The following TMEM164 variants were observed in gnomAD, a reference collection of about 807,000 sequenced individuals.
The protein encoded by TMEM164 is RP13-360B22.2.
In TMEM164, 4 loss-of-function variants were observed where a neutral mutation model predicts 18.8. The ratio of observed to expected loss-of-function variants is 0.21; its 90% CI spans 0.10 to 0.49. TMEM164 has a LOEUF of 0.49. TMEM164 is among the 20% of genes least tolerant of loss of function. TMEM164 has a pLI of 0.98. For missense variants in TMEM164, 108 were observed against 239.9 expected (o/e 0.45, Z 3.63); for synonymous variants, 86 against 101.7 (o/e 0.85, Z 0.93).
intron 5 of TMEM164, among the ~76,000 whole-genome samples, chrX:110,153,199 C>T (rs991836897): frequency 8.9e-6 from 1 of 111,935 alleles, no homozygotes; most frequent in Non-Finnish European, 1.9e-5. Flanking sequence ...CCCCAGCTCC[C>T]GCCAGCTGCC....
At chrX:110,083,464 A>G (rs946601647) in intron 3 of TMEM164, among the ~76,000 whole-genome samples, 2 of 111,312 alleles carry the variant, frequency 1.8e-5, no homozygotes, top group African/African-American at 6.5e-5. Flanking sequence ...AACAGCTGGT[A>G]AACCAGATTT....
intron 2 of TMEM164, among the ~76,000 whole-genome samples, chrX:110,037,882 C>T (rs1037224330): frequency 8.2e-4 from 92 of 112,246 alleles, no homozygotes; most frequent in African/African-American, 2.6e-3. Context: ...GCCCTCACTC[C>T]GTCCTTTATT....
intron 2 of TMEM164, among the ~76,000 whole-genome samples, chrX:110,021,140 A>C (rs774287681): frequency 3.0e-4 from 33 of 111,695 alleles, no homozygotes; most frequent in Admixed American, 5.7e-4. Context: ...GTATTATTTG[A>C]ATTTGGTTTA....
intron 4 of TMEM164, among the ~76,000 whole-genome samples, chrX:110,139,291 A>G (rs1188691122): frequency 1.8e-5 from 2 of 111,921 alleles, no homozygotes; most frequent in African/African-American, 6.5e-5. Context: ...TGCTTCCTGC[A>G]TAGTAGCAGA....
intron 5 of TMEM164, among the ~76,000 whole-genome samples, chrX:110,147,257 A>G (rs908817967): frequency 1.8e-5 from 2 of 109,379 alleles, no homozygotes; most frequent in Admixed American, 9.7e-5. Context: ...CTGGAACTCT[A>G]TTTCTTTTTT....
chrX:110,160,216 G>A (rs1458006115), intron 5 of TMEM164, among the ~76,000 whole-genome samples: 1 of 112,032 alleles, frequency 8.9e-6, no homozygotes, highest in Non-Finnish European at 1.9e-5. Flanking sequence ...CACTTGAATG[G>A]GGGGAAGTCA....
chrX:110,042,211 C>T (rs770477622), intron 2 of TMEM164, among the ~76,000 whole-genome samples: 2 of 109,431 alleles, frequency 1.8e-5, no homozygotes, highest in South Asian at 8.1e-4. Context: ...TTCCCCAGGC[C>T]CTGGTAACCA....
chrX:110,131,808 T>C (rs2066615575), intron 4 of TMEM164, among the ~76,000 whole-genome samples: 1 of 112,284 alleles, frequency 8.9e-6, no homozygotes, highest in African/African-American at 3.2e-5. Flanking sequence ...TTCGAAGTCC[T>C]GAAACACCAT....
chrX:110,056,889 T>A (rs1217073842), intron 2 of TMEM164, among the ~76,000 whole-genome samples: 7 of 110,937 alleles, frequency 6.3e-5, no homozygotes, highest in African/African-American at 2.3e-4. Flanking sequence ...TTGAGTTTTT[T>A]TAATACTTTA....
intron 4 of TMEM164, among the ~76,000 whole-genome samples, chrX:110,123,310 T>C: frequency 8.9e-6 from 1 of 112,692 alleles, no homozygotes. Flanking sequence ...ACTGTCTTGA[T>C]TGCTGTAGCT....
intron 5 of TMEM164, among the ~76,000 whole-genome samples, chrX:110,159,356 G>A (rs79288932): frequency 0.012 from 1,383 of 110,954 alleles, 9 homozygotes; most frequent in Non-Finnish European, 0.019. Flanking sequence ...CACAGGTCAC[G>A]AGGAGGTCTA....
At chrX:110,035,163 A>G (rs189667706) in intron 2 of TMEM164, among the ~76,000 whole-genome samples, 16 of 108,569 alleles carry the variant, frequency 1.5e-4, no homozygotes, top group Admixed American at 4.9e-4. Flanking sequence ...TGGCACATGT[A>G]TACATATGTA....
intron 3 of TMEM164, among the ~76,000 whole-genome samples, chrX:110,100,608 G>A (rs2066095011): frequency 9.0e-6 from 1 of 111,460 alleles, no homozygotes; most frequent in African/African-American, 3.3e-5. Context: ...GTCTCGCTCT[G>A]TTGCCCAGGC....
rs1442909963 is a variant in TMEM164 at position 110,174,842 on chromosome X, A to AT, written c.*1395dup. The AT allele has an allele frequency of 8.9e-6, 1 of 111,750 alleles. No homozygotes were observed. The highest frequency in any genetic ancestry group is 1.9e-5 in the Non-Finnish European group (1 of 53,038). 9.2% of individuals were successfully genotyped at this position (111,750 alleles called of 1,213,427 possible). ...TAAGAACAGAAAAGCTCATTTGGTG[A>AT]TTTTGTCTGATGAGCCTCCCTTCCC... On this transcript the variant is annotated 3_prime_UTR_variant, in exon 7 of 7. Coordinates refer to ENST00000372068, the MANE Select transcript of TMEM164 (RefSeq NM_032227.4).
At chrX:110,180,971 C>A (rs930074063), downstream of TMEM164, among the ~76,000 whole-genome samples, 1 of 111,754 alleles carries the variant, frequency 8.9e-6, no homozygotes, top group South Asian at 3.8e-4. Context: ...CTTGGGCTCT[C>A]TAGTATTCTG....
intron 5 of TMEM164, among the ~76,000 whole-genome samples, chrX:110,148,098 A>G (rs1486539667): frequency 9.0e-6 from 1 of 110,624 alleles, no homozygotes; most frequent in African/African-American, 3.3e-5. Context: ...CATGATGTCT[A>G]TTATAATTGT....
intron 2 of TMEM164, among the ~76,000 whole-genome samples, chrX:110,058,779 C>A (rs969379370): frequency 9.5e-6 from 1 of 105,396 alleles, no homozygotes; most frequent in African/African-American, 3.5e-5. Context: ...TGTGCCACAA[C>A]GCCTGGCTAA....
intron 4 of TMEM164, among the ~76,000 whole-genome samples, chrX:110,115,315 A>T (rs2066345528): frequency 1.8e-5 from 2 of 112,467 alleles, no homozygotes; most frequent in Admixed American, 1.9e-4. Flanking sequence ...TGAGGACAGA[A>T]TGTCCCTTTA....
intron 2 of TMEM164, among the ~76,000 whole-genome samples, chrX:110,062,356 T>TTG (rs1365579357): frequency 4.3e-4 from 47 of 110,337 alleles, no homozygotes; most frequent in Middle Eastern, 4.6e-3. Context: ...GGCATGCAAA[T>TTG]TGTGTGTGTG....
Sources: allele counts gnomAD v4.1 joint callset (sites outside exome capture counted in the v4.1 genomes callset), GRCh38; gene constraint gnomAD v4.1.1; transcripts MANE v1.5; gene names NCBI Gene and HGNC (gene_info 2026-07-23, HGNC 2026-07-21).